FRMPD4: variants seen among roughly 807,000 people sequenced by gnomAD.
FRMPD4 encodes the protein FERM and PDZ domain containing 4.
In FRMPD4, 22 loss-of-function variants were observed where a neutral mutation model predicts 94.1. The observed-to-expected ratio is 0.23, with a 90% CI of 0.17 to 0.33. The LOEUF is 0.33. Ranked by LOEUF, FRMPD4 falls within the 10% of genes least tolerant of loss-of-function variation. The pLI is 1.00. For missense variants in FRMPD4, 1,111 were observed against 1,339.9 expected, an observed-to-expected ratio of 0.83 and a Z score of 2.67; for synonymous variants, 631 against 548.6, an observed-to-expected ratio of 1.15 and a Z score of -2.10.
At position 12,083,104 on chromosome X, in the gene FRMPD4, C is replaced by G. The variant is rs781500883; in HGVS notation, c.95+205086C>G. Among the ~76,000 whole-genome samples the G allele has an allele frequency of 6.7e-4, 75 of 112,617 alleles. No individual in the cohort carries two copies. The East Asian group carries it at 0.017, about 25-fold the overall frequency. On this transcript the variant is annotated intron_variant, in intron 3 of 18. Transcript: ENST00000640291. ...TCTCAAGACCATGGGGAAAATGTCT[C>G]CAGGCCATGTGAGAGACCTTCATGG...
Position 12,044,915 on chromosome X carries a change from A to C in FRMPD4, c.95+166897A>C, listed in dbSNP as rs2054777345. Among the ~76,000 whole-genome samples the C allele has an allele frequency of 3.6e-5, 4 of 112,262 alleles. No individual in the cohort carries two copies. The South Asian group carries it at 1.5e-3, about 42-fold the overall frequency. On this transcript the variant is annotated intron_variant, in intron 3 of 18. Transcript: ENST00000640291. ...TCTGCTTGGTTATAATAATAATAGC[A>C]AATACAGACATCATTTACTATGTAT... is the stretch of plus-strand genomic sequence containing the variant.
chrX:11,856,506 C>T (rs1047933851), intron 1 of FRMPD4, among the ~76,000 whole-genome samples: 1 of 109,446 alleles, frequency 9.1e-6, no homozygotes, highest in Non-Finnish European at 1.9e-5. Context: ...ATTCAACATC[C>T]ATTAATGTTA....
intron 4 of FRMPD4, among the ~76,000 whole-genome samples, chrX:12,643,250 G>A (rs2059516326): frequency 9.2e-6 from 1 of 108,910 alleles, no homozygotes; most frequent in African/African-American, 3.4e-5. Context: ...CGATCCTCCT[G>A]CCTCAGCCTC....
chrX:12,565,575 T>C (rs780186278), intron 2 of FRMPD4, among the ~76,000 whole-genome samples: 15 of 111,766 alleles, frequency 1.3e-4, no homozygotes, highest in Non-Finnish European at 2.8e-4. Flanking sequence ...TGACCAGTAC[T>C]CCTCAAAACT....
intron 1 of FRMPD4, among the ~76,000 whole-genome samples, chrX:12,491,955 G>C (rs1031020040): frequency 7.1e-5 from 8 of 111,985 alleles, no homozygotes; most frequent in African/African-American, 2.3e-4. Context: ...ATTTAGCTCT[G>C]TGATGCCTCT....
rs777931951 is a variant in FRMPD4 at position 12,146,130 on chromosome X, G to A, written c.41+7118G>A. ...TGTAATCCCAACACTTTGGGAGGCC[G>A]AGGTGGGCGGATCACAAGGTCAGGA... On this transcript the variant is annotated intron_variant, in intron 1 of 16. Coordinates refer to ENST00000675598, the MANE Select transcript of FRMPD4 (RefSeq NM_001368397.1). Among the ~76,000 whole-genome samples, 13 of 111,252 alleles carry A rather than the reference G, an allele frequency of 1.2e-4. No homozygotes were observed. The East Asian group carries it at 3.7e-3, about 31-fold the overall frequency.
intron 1 of FRMPD4, among the ~76,000 whole-genome samples, chrX:12,416,801 T>C (rs11095571): frequency 0.045 from 5,019 of 111,826 alleles, 312 homozygotes; most frequent in African/African-American, 0.15. Context: ...TCTGTGTCTT[T>C]GTCTGGTTGT....
At chrX:12,697,906 C>T (rs887396496) in intron 9 of FRMPD4, among the ~76,000 whole-genome samples, 1 of 112,127 alleles carries the variant, frequency 8.9e-6, no homozygotes, top group Non-Finnish European at 1.9e-5. Context: ...ATATATCCTC[C>T]GCTGAAACAG....
At chrX:12,213,639 A>G (rs1016746781) in intron 1 of FRMPD4, among the ~76,000 whole-genome samples, 8 of 112,070 alleles carry the variant, frequency 7.1e-5, no homozygotes, top group African/African-American at 2.6e-4. Context: ...ATGCATGAGA[A>G]GTAACCTACT....
chrX:12,206,467 TC>T (rs2056693804), intron 1 of FRMPD4, among the ~76,000 whole-genome samples: 1 of 111,736 alleles, frequency 8.9e-6, no homozygotes, highest in Non-Finnish European at 1.9e-5. Context: ...TTTCCAAACT[TC>T]CTTGCAGCTA....
At chrX:12,381,265 A>ATGTT (rs1332121348) in intron 1 of FRMPD4, among the ~76,000 whole-genome samples, 1 of 112,155 alleles carries the variant, frequency 8.9e-6, no homozygotes, top group Non-Finnish European at 1.9e-5. Context: ...TGATTTCCTC[A>ATGTT]TGTTTAGACT....
chrX:12,148,397 G>A (rs919907203), intron 1 of FRMPD4, among the ~76,000 whole-genome samples: 7 of 112,575 alleles, frequency 6.2e-5, no homozygotes, highest in Non-Finnish European at 9.4e-5. Flanking sequence ...GCCTAATCCA[G>A]AGCAAGACTC....
intron 3 of FRMPD4, among the ~76,000 whole-genome samples, chrX:11,890,263 T>C (rs2053867047): frequency 8.9e-6 from 1 of 112,554 alleles, no homozygotes; most frequent in Non-Finnish European, 1.9e-5. Flanking sequence ...CTGTGCAAAG[T>C]GCTGTCCTTA....
At chrX:12,593,881 A>G (rs900330965) in intron 2 of FRMPD4, among the ~76,000 whole-genome samples, 5 of 111,838 alleles carry the variant, frequency 4.5e-5, no homozygotes, top group African/African-American at 1.6e-4. Context: ...AACTTATGAT[A>G]GCCCTTCAGA....
At chrX:11,891,052 G>C (rs942770449) in intron 3 of FRMPD4, among the ~76,000 whole-genome samples, 1 of 112,790 alleles carries the variant, frequency 8.9e-6, no homozygotes. Context: ...GTCTCCAAGG[G>C]CTGTTGCTCA....
intron 3 of FRMPD4, among the ~76,000 whole-genome samples, chrX:12,020,530 T>C (rs888345945): frequency 2.4e-4 from 27 of 111,704 alleles, no homozygotes; most frequent in African/African-American, 8.5e-4. Context: ...TATGAAGAAC[T>C]GCGAAAGGGA....
At chrX:12,188,346 C>A (rs760891344) in intron 1 of FRMPD4, among the ~76,000 whole-genome samples, 1 of 107,248 alleles carries the variant, frequency 9.3e-6, no homozygotes, top group South Asian at 3.8e-4. Context: ...AAAATGAAGA[C>A]AGTAATAGCA....
intron 1 of FRMPD4, among the ~76,000 whole-genome samples, chrX:11,829,659 A>G (rs1400557125): frequency 8.9e-6 from 1 of 111,748 alleles, no homozygotes; most frequent in Admixed American, 9.6e-5. Flanking sequence ...GAAGATGAAT[A>G]TTTCCTTAGA....
At chrX:12,093,899 G>A (rs2055176240) in intron 3 of FRMPD4, among the ~76,000 whole-genome samples, 1 of 106,764 alleles carries the variant, frequency 9.4e-6, no homozygotes, top group Non-Finnish European at 1.9e-5. Context: ...AAGACTACTT[G>A]CATGAAAAAA....
Sources: gnomAD v4.1 joint callset for allele counts (sites outside exome capture counted in the v4.1 genomes callset) on GRCh38, gnomAD v4.1.1 for gene constraint, MANE v1.5 for transcripts, NCBI Gene and HGNC (gene_info 2026-07-23, HGNC 2026-07-21) for gene names.